The following CRIM1 variants were observed in gnomAD, a reference collection of about 807,000 sequenced individuals.
CRIM1 encodes cysteine rich transmembrane BMP regulator 1.
CRIM1 carries 32 observed loss-of-function variants against 116.4 expected under a neutral mutation model. The observed-to-expected ratio is 0.27, with a 90% CI of 0.21 to 0.37. The LOEUF is 0.37. Among genes scored for constraint, CRIM1 ranks in the 10% least tolerant of loss-of-function variants. The pLI is 1.00. For synonymous variants in CRIM1, 590 were observed against 509.2 expected (o/e 1.16, Z -2.13); for missense variants, 1,331 against 1,354.8 (o/e 0.98, Z 0.28).
intron 7 of CRIM1, among the ~76,000 whole-genome samples, chr2:36,498,428 G>T (rs1041893651): frequency 1.3e-5 from 2 of 152,172 alleles, no homozygotes; most frequent in African/African-American, 4.8e-5. Context: ...ATATGGTAAA[G>T]CTGGAAGGCA....
chr2:36,534,685 AAGAC>A (rs1230926890), intron 13 of CRIM1, among the ~76,000 whole-genome samples: 2 of 148,686 alleles, frequency 1.3e-5, no homozygotes. Flanking sequence ...AAGGAAAAGG[AAGAC>A]AGGAAGAAGG....
chr2:36,487,333 G>T (rs1679897709), intron 7 of CRIM1, among the ~76,000 whole-genome samples: 2 of 152,138 alleles, frequency 1.3e-5, no homozygotes, highest in South Asian at 4.1e-4. Context: ...ATACTAAAAT[G>T]TACATATTCA....
intron 12 of CRIM1, among the ~76,000 whole-genome samples, chr2:36,517,984 A>G (rs771572487): frequency 6.6e-6 from 1 of 152,216 alleles, no homozygotes; most frequent in Non-Finnish European, 1.5e-5. Flanking sequence ...AAGGGTGGCG[A>G]AGAGACTTTG....
At chr2:36,488,514 G>A (rs141870894) in intron 7 of CRIM1, among the ~76,000 whole-genome samples, 1 of 152,328 alleles carries the variant, frequency 6.6e-6, no homozygotes, top group African/African-American at 2.4e-5. Context: ...AATTTGATGT[G>A]CTTTGAGCAA....
intron 4 of CRIM1, among the ~76,000 whole-genome samples, chr2:36,462,028 G>T (rs916559662): frequency 1.3e-5 from 2 of 152,114 alleles, no homozygotes; most frequent in African/African-American, 4.8e-5. Flanking sequence ...TGCAGGGAAG[G>T]AAACAAGGAG....
chr2:36,465,023 T>C (rs3755202), intron 5 of CRIM1, among the ~76,000 whole-genome samples: 32,508 of 152,192 alleles, frequency 0.21, 3,819 homozygotes, highest in South Asian at 0.35. Flanking sequence ...GTGACCTGGC[T>C]AAAACTGCAT....
At position 36,464,660 on chromosome 2, in the gene CRIM1, G is replaced by T; in HGVS notation, c.991+5G>T. 1 of 1,613,936 alleles carries T rather than the reference G, an allele frequency of 6.2e-7. No homozygotes were observed. The highest frequency in any genetic ancestry group is 8.5e-7 in the Non-Finnish European group (1 of 1,179,848). ...ATGTCTTTGAATGTGTTAATGGTAC[G>T]TGGGGTTTCTCTTGTTCTCAGAGAG... On this transcript the variant is annotated splice_donor_5th_base_variant and intron_variant, in intron 5 of 16. Coordinates refer to ENST00000280527, the MANE Select transcript of CRIM1 (RefSeq NM_016441.3).
intron 1 of CRIM1, among the ~76,000 whole-genome samples, chr2:36,374,317 G>T (rs947383982): frequency 6.6e-6 from 1 of 152,278 alleles, no homozygotes; most frequent in Admixed American, 6.5e-5. Context: ...TGTGTGTGCT[G>T]GAGCCAAATG....
At chr2:36,537,282 C>T in intron 13 of CRIM1, 70 bp from the exon 14 acceptor site, 1 of 1,385,398 alleles carries the variant, frequency 7.2e-7, no homozygotes, top group Non-Finnish European at 1.0e-6. Flanking sequence ...ATCCCTTGAT[C>T]TCTCACGTCT....
At chr2:36,378,510 G>A in intron 1 of CRIM1, 1 of 412,424 alleles carries the variant, frequency 2.4e-6, no homozygotes, top group South Asian at 1.8e-5. Flanking sequence ...GAAGCTCACA[G>A]CTCTAACGTA....
intron 4 of CRIM1, among the ~76,000 whole-genome samples, chr2:36,446,943 A>G (rs985331030): frequency 2.6e-5 from 4 of 152,254 alleles, no homozygotes; most frequent in Non-Finnish European, 5.9e-5. Context: ...AGAATTTACA[A>G]CAGAAACTTA....
chr2:36,535,672 C>T (rs1040597154), intron 13 of CRIM1, among the ~76,000 whole-genome samples: 1 of 152,132 alleles, frequency 6.6e-6, no homozygotes, highest in African/African-American at 2.4e-5. Context: ...TAACACCCTC[C>T]CAATGGATTG....
At chr2:36,539,819 G>A (rs1045301664) in intron 14 of CRIM1, among the ~76,000 whole-genome samples, 4 of 152,188 alleles carry the variant, frequency 2.6e-5, no homozygotes, top group Admixed American at 6.5e-5. Context: ...CAGCATCAAA[G>A]TGGAGCTAAT....
intron 2 of CRIM1, among the ~76,000 whole-genome samples, chr2:36,404,865 A>C (rs964873983): frequency 6.6e-6 from 1 of 152,130 alleles, no homozygotes; most frequent in Non-Finnish European, 1.5e-5. Context: ...TAAATTTACT[A>C]TTTCAGTGCT....
chr2:36,465,047 C>G (rs1367486405), intron 5 of CRIM1, among the ~76,000 whole-genome samples: 1 of 152,184 alleles, frequency 6.6e-6, no homozygotes, highest in East Asian at 1.9e-4. Flanking sequence ...GCCTGCCACA[C>G]TTGGGAACAA....
chr2:36,499,817 G>C (rs2125086539), intron 8 of CRIM1, among the ~76,000 whole-genome samples: 1 of 152,094 alleles, frequency 6.6e-6, no homozygotes, highest in Non-Finnish European at 1.5e-5. Context: ...AGAGTATATT[G>C]TATTTCTTCC....
At chr2:36,372,123 A>G (rs746459842) in intron 1 of CRIM1, among the ~76,000 whole-genome samples, 6 of 152,182 alleles carry the variant, frequency 3.9e-5, no homozygotes, top group Non-Finnish European at 5.9e-5. Context: ...AGGAATTTTT[A>G]ACTGTACAGC....
chr2:36,495,979 A>G (rs2125078406), intron 7 of CRIM1, among the ~76,000 whole-genome samples: 1 of 152,314 alleles, frequency 6.6e-6, no homozygotes. Context: ...GAAACCAAGC[A>G]CTAAAATGTT....
chr2:36,356,250 T>C lies in CRIM1; in HGVS notation c.-43T>C, dbSNP rs1355635545. ...GCGCAGGGGAGGGCGCCCGCCCCGC[T>C]CCCGGCCCGGCTGCGAGGAGGAGGC... On this transcript the variant is annotated 5_prime_UTR_variant, in exon 1 of 17. Transcript: ENST00000280527. This position sits in a 1 kb window ranked among gnomAD's most constrained non-coding sequence, Gnocchi z 4.3. The C allele has an allele frequency of 8.2e-6, 10 of 1,222,660 alleles. No homozygotes were observed. The highest frequency in any genetic ancestry group is 1.1e-5 in the Non-Finnish European group (10 of 929,728). 75.7% of individuals were successfully genotyped at this position (1,222,660 alleles called of 1,614,324 possible).
Sources: gnomAD v4.1 joint callset for allele counts (sites outside exome capture counted in the v4.1 genomes callset) on GRCh38, gnomAD v4.1.1 for gene constraint, Gnocchi (gnomAD v3.1) non-coding constraint, MANE v1.5 for transcripts, NCBI Gene and HGNC (gene_info 2026-07-23, HGNC 2026-07-21) for gene names.